NSUN4: variants seen among roughly 807,000 people sequenced by gnomAD.
The protein encoded by NSUN4 is 5-cytosine rRNA methyltransferase NSUN4.
Under a neutral mutation model 43.8 loss-of-function variants are expected in NSUN4, and 31 were observed. The ratio of observed to expected loss-of-function variants is 0.71; its 90% confidence interval spans 0.53 to 0.96. The LOEUF (loss-of-function observed/expected upper bound fraction) is 0.96. Ranked by LOEUF, NSUN4 falls within the 40% of genes least tolerant of loss-of-function variation. The probability of loss-of-function intolerance (pLI) is 0.00; values close to 1 mark genes in which losing one functional copy is unlikely to be tolerated. For missense variants in NSUN4, 439 were observed against 475.6 expected (o/e 0.92, Z 0.72); for synonymous variants, 167 against 184.1 (o/e 0.91, Z 0.75).
intron 4 of NSUN4, among the ~76,000 whole-genome samples, chr1:46,356,915 C>T (rs1217077753): frequency 6.6e-6 from 1 of 152,142 alleles, no homozygotes; most frequent in Non-Finnish European, 1.5e-5. Context: ...GAACATGTTT[C>T]TATCTTCCCT....
chr1:46,354,008 A>G (rs1557741485), intron 4 of NSUN4, among the ~76,000 whole-genome samples: 1 of 152,210 alleles, frequency 6.6e-6, no homozygotes. Flanking sequence ...ACATGCTGCC[A>G]ATATTGGTGC....
At chr1:46,378,850 C>A in the NSUN4 span, among the ~76,000 whole-genome samples, 1 of 152,164 alleles carries the variant, frequency 6.6e-6, no homozygotes. Flanking sequence ...AGGCTTTTCT[C>A]CACATGGCTT....
chr1:46,361,301 C>A (rs1374282584), intron 5 of NSUN4, among the ~76,000 whole-genome samples: 2 of 152,070 alleles, frequency 1.3e-5, no homozygotes, highest in Non-Finnish European at 2.9e-5. Context: ...CATTCTATAG[C>A]CAGCATAGCA....
chr1:46,365,203 C>T (rs1664104200), downstream of NSUN4: 1 of 152,092 alleles, frequency 6.6e-6, no homozygotes. Context: ...GAATTGTATT[C>T]CATGGTGCAG....
In NSUN4 at chr1:46,344,805, C is replaced by T; in HGVS notation, c.98C>T (p.Ala33Val). 6.2e-7 allele frequency: 1 copy of T among 1,612,842 alleles called. No individual in the cohort carries two copies. Among genetic ancestry groups the T allele is most frequent in the Non-Finnish European group, 8.5e-7 (1 of 1,179,104 alleles). Residue 33 changes from alanine to valine, a missense_variant, in exon 2 of 6, where the codon GCC (alanine) becomes GTC (valine). Transcript: ENST00000474844. ...AGCCTGTCCTCTCTCTTTTAGGCTGCCACAGAGCCCAAATTCCCTGCTGTT... is the reference window on the plus strand; with the variant it reads ...AGCCTGTCCTCTCTCTTTTAGGCTGTCACAGAGCCCAAATTCCCTGCTGTT... ...RRHRYKKKWA[A>V]TEPKFPAVRL...
At chr1:46,358,217 T>G (rs937703197) in intron 4 of NSUN4, among the ~76,000 whole-genome samples, 3 of 152,124 alleles carry the variant, frequency 2.0e-5, no homozygotes, top group African/African-American at 7.2e-5. Context: ...TGCCTCAGCC[T>G]CCTGAGTAGC....
rs748572284 is a variant in NSUN4, at chr1:46,362,196, C to T, written c.*350C>T. The stretch of plus-strand genomic sequence containing the variant: ...AATAAAGTTGTTGAAACTCTATAGA[C>T]CTGGGGCTGCAGTTGGGGACTTCAT... On this transcript the variant is annotated 3_prime_UTR_variant, in exon 6 of 6. Coordinates refer to ENST00000474844, the MANE Select transcript of NSUN4 (RefSeq NM_199044.4). 5 of 280,594 alleles carry T rather than the reference C, an allele frequency of 1.8e-5. No individual in the cohort carries two copies. Among genetic ancestry groups the T allele is most frequent in the Non-Finnish European group, 3.4e-5 (5 of 148,430 alleles). The allele number at this position is 280,594 out of a possible 1,614,324, so 17.4% of individuals were successfully genotyped here. A position where few individuals can be genotyped will look rare whatever the true frequency, so the allele number is the denominator to read the frequency against.
the NSUN4 span, among the ~76,000 whole-genome samples, chr1:46,383,325 TG>T: frequency 0.22 from 34,097 of 151,882 alleles, 4,292 homozygotes; most frequent in Non-Finnish European, 0.29. Flanking sequence ...TGGGGAGAGG[TG>T]GGCACCCTGT....
intron 2 of NSUN4, chr1:46,345,440 T>C (rs1662420722): frequency 3.2e-6 from 1 of 314,632 alleles, no homozygotes; most frequent in African/African-American, 2.1e-5. Flanking sequence ...GTGTGACTAA[T>C]ATTTAGACCC....
chr1:46,374,768 G>A, the NSUN4 span, among the ~76,000 whole-genome samples: 10 of 152,196 alleles, frequency 6.6e-5, no homozygotes, highest in South Asian at 2.1e-3. Flanking sequence ...GGAGGATGAG[G>A]TGGAAGGATT....
the NSUN4 span, among the ~76,000 whole-genome samples, chr1:46,373,795 T>C: frequency 7.9e-5 from 12 of 152,112 alleles, no homozygotes; most frequent in Non-Finnish European, 1.2e-4. Context: ...TACTGTTACA[T>C]TGGGGATAAA....
downstream of NSUN4, among the ~76,000 whole-genome samples, chr1:46,367,879 C>T (rs894315816): frequency 1.3e-5 from 2 of 151,390 alleles, no homozygotes; most frequent in Non-Finnish European, 2.9e-5. Context: ...ATCCTCCTGC[C>T]TCAGCCTACT....
the NSUN4 span, among the ~76,000 whole-genome samples, chr1:46,370,190 GAA>G: frequency 2.5e-4 from 38 of 152,338 alleles, no homozygotes; most frequent in African/African-American, 9.1e-4. Context: ...CAGACTTAGG[GAA>G]GAGAGATGTT....
chr1:46,381,267 C>T, the NSUN4 span, among the ~76,000 whole-genome samples: 20 of 152,208 alleles, frequency 1.3e-4, no homozygotes, highest in South Asian at 4.1e-3. Flanking sequence ...GTCTACTATT[C>T]GTTTAAGTTT....
At chr1:46,356,700 A>AAAG (rs1553177623) in intron 4 of NSUN4, among the ~76,000 whole-genome samples, 7 of 148,752 alleles carry the variant, frequency 4.7e-5, no homozygotes, top group South Asian at 2.1e-4. Flanking sequence ...CAAAAAAAAA[A>AAAG]AAGAAGAAGA....
chr1:46,360,276 ATG>A (rs200601367), intron 4 of NSUN4, among the ~76,000 whole-genome samples: 3,200 of 87,192 alleles, frequency 0.037, 130 homozygotes, highest in Non-Finnish European at 0.064. Context: ...ATATATATAT[ATG>A]TAAATTAGTC....
At chr1:46,374,324 T>C in the NSUN4 span, among the ~76,000 whole-genome samples, 85 of 147,782 alleles carry the variant, frequency 5.8e-4, no homozygotes, top group African/African-American at 2.1e-3. Flanking sequence ...TAGAGATCTG[T>C]TGTGGCCAGG....
the NSUN4 span, among the ~76,000 whole-genome samples, chr1:46,378,829 A>G: frequency 1.3e-5 from 2 of 152,150 alleles, no homozygotes; most frequent in Non-Finnish European, 2.9e-5. Context: ...CCAAGGGCAA[A>G]TGGGCTGAGC....
chr1:46,380,082 A>C, the NSUN4 span, among the ~76,000 whole-genome samples: 22 of 152,288 alleles, frequency 1.4e-4, no homozygotes, highest in African/African-American at 5.1e-4. Context: ...GAAATGAAGA[A>C]GCAGAGCATT....
Sources: gnomAD v4.1 joint callset for allele counts (sites outside exome capture counted in the v4.1 genomes callset) on GRCh38, gnomAD v4.1.1 for gene constraint, MANE v1.5 for transcripts, NCBI Gene and HGNC (gene_info 2026-07-23, HGNC 2026-07-21) for gene names.